Variants in PSG4 observed in about 807,000 individuals in gnomAD.
PSG4 encodes pregnancy specific beta-1-glycoprotein 4, also known as pregnancy-specific beta-1-glycoprotein 4.
PSG4 carries 61 observed loss-of-function variants against 44.3 expected under a neutral mutation model. The observed-to-expected ratio is 1.38, with a 90% CI of 1.12 to 1.70. PSG4 has a LOEUF of 1.70. Among genes scored for constraint, PSG4 ranks in the 40% most tolerant of loss-of-function variants. The pLI, the probability that PSG4 is intolerant of heterozygous loss-of-function variation, is 0.00. For synonymous variants in PSG4, 248 were observed against 191.3 expected (o/e 1.30, Z -2.45); for missense variants, 677 against 511.7 (o/e 1.32, Z -3.12).
Position 43,194,532 on chromosome 19 carries a change from A to C in PSG4, c.1051T>G (p.Tyr351Asp), listed in dbSNP as rs781761157. The change falls in exon 5 of 6, where the codon TAC becomes GAC. Residue 351 changes from tyrosine (Y) to aspartate (D), a missense_variant. Transcript: ENST00000405312. ...FTYYRSGENL[Y>D]LSCFAESNPR... is the part of the protein sequence containing the mutation. Reference sequence around the variant, plus strand: ...TTAGACTCGGCGAAGCAGGACAAGTAGAGGTTTTCTCCTGAACGGTAATAG... The same window carrying C: ...TTAGACTCGGCGAAGCAGGACAAGTCGAGGTTTTCTCCTGAACGGTAATAG... 1.6e-5 allele frequency: 25 copies of C among 1,612,438 alleles called. No individual in the cohort carries two copies. The Admixed American group carries it at 2.2e-4, about 14-fold the overall frequency.
chr19:43,204,782 C>T (rs1454403260), intron 1 of PSG4: 3 of 403,950 alleles, frequency 7.4e-6, no homozygotes, highest in Admixed American at 2.9e-5. Flanking sequence ...GCGGCAGACT[C>T]CTGTAGATGT....
Position 43,204,238 on chromosome 19 carries a change from G to C in PSG4, c.78C>G (p.Asn26Lys). The C allele has an allele frequency of 6.3e-7, 1 of 1,576,720 alleles. No individual in the cohort carries two copies. Among genetic ancestry groups the C allele is most frequent in the Admixed American group, 1.7e-5 (1 of 57,578 alleles). Residue 26 changes from asparagine (N) to lysine (K), a missense_variant, in exon 2 of 6, where the codon AAC (asparagine) becomes AAG (lysine). Coordinates refer to ENST00000405312, the MANE Select transcript of PSG4 (RefSeq NM_002780.5). ...KGVLLTASLL[N>K]FWNPPTTAQV... is the part of the protein sequence containing the mutation. ...GGGCAGTTGTGGGCGGATTCCAGAA[G>C]TTTAAAAGTGATGCTAGGAGGTACA...
intron 3 of PSG4, among the ~76,000 whole-genome samples, chr19:43,196,123 G>A (rs1057228924): frequency 9.2e-5 from 14 of 151,714 alleles, no homozygotes; most frequent in Non-Finnish European, 1.6e-4. Flanking sequence ...GTGTGGGAAT[G>A]AACTGCTGGA....
Position 43,198,151 on chromosome 19 carries a change from C to G in PSG4, c.555G>C (p.Gln185His). Residue 185 changes from glutamine (Q) to histidine (H), a missense_variant, in exon 3 of 6, where the codon CAG becomes CAC. Physicochemically the swap from Gln to His is conservative, Grantham distance 24. Transcript: ENST00000405312. ...AASYQWWMNG[Q>H]SLPMTHRLQL... is the part of the protein sequence containing the mutation. ...GCAACCTGTGAGTCATAGGGAGGCTCTGACCATTCATCCACCACTGGTAGC... is the reference window on the plus strand; with the variant it reads ...GCAACCTGTGAGTCATAGGGAGGCTGTGACCATTCATCCACCACTGGTAGC... 6.3e-7 allele frequency: 1 copy of G among 1,587,976 alleles called. No individual in the cohort carries two copies. The highest frequency in any genetic ancestry group is 8.5e-7 in the Non-Finnish European group (1 of 1,171,934).
intron 3 of PSG4, among the ~76,000 whole-genome samples, chr19:43,195,970 G>C (rs1967228844): frequency 6.6e-6 from 1 of 150,902 alleles, no homozygotes; most frequent in South Asian, 2.1e-4. Context: ...ACAGGCAAGA[G>C]CTGGTGGCTT....
rs1967086020 is a variant in PSG4 at position 43,193,189 on chromosome 19, A to G, written c.*183T>C. 2 of 752,030 alleles carry G rather than the reference A, an allele frequency of 2.7e-6. No homozygotes were observed. Among genetic ancestry groups the G allele is most frequent in the South Asian group, 1.4e-5 (1 of 73,316 alleles). 46.6% of individuals were successfully genotyped at this position (752,030 alleles called of 1,614,324 possible). ...TGTTATCCTGGTTTACAGTTTGAGT[A>G]GCTGTTGTTATGGTGTCGAACATTT... On this transcript the variant is annotated 3_prime_UTR_variant, in exon 6 of 6. Coordinates refer to ENST00000405312, the MANE Select transcript of PSG4 (RefSeq NM_002780.5).
In PSG4 at chr19:43,194,345, A is replaced by T. The variant is rs751488444; in HGVS notation, c.1238T>A (p.Val413Asp). 6.2e-6 allele frequency: 10 copies of T among 1,612,252 alleles called. 1 individual carries two copies. Among genetic ancestry groups the T allele is most frequent in the East Asian group, 2.2e-5 (1 of 44,868 alleles). The change falls in exon 5 of 6, where the codon GTC (valine) becomes GAC (aspartate). Residue 413 changes from valine to aspartate, a missense_variant. Coordinates refer to ENST00000405312, the MANE Select transcript of PSG4 (RefSeq NM_002780.5). ...GGATGCTGGGATCCACTTACCAGAG[A>T]CTTTGACTGTGATGGATTTGGAGCT... ...KESSKSITVK[V>D]SDWILP
chr19:43,194,778 G>A, intron 4 of PSG4, 184 bp from the exon 5 acceptor site: 3 of 1,412,884 alleles, frequency 2.1e-6, no homozygotes, highest in African/African-American at 1.4e-5. Context: ...CAAGTTTTAG[G>A]CCCCAAGTCT....
Position 43,200,394 on chromosome 19 carries a change from CTATTGT to C in PSG4, c.431-2125_431-2120del, listed in dbSNP as rs1373419392. On this transcript the variant is annotated intron_variant, in intron 2 of 5. Coordinates refer to ENST00000405312, the MANE Select transcript of PSG4 (RefSeq NM_002780.5). ...CCACAACTACAAAATTTAAAAATTG[CTATTGT>C]CAAAAAAAATATTAAATATGAAGGC... 5.0e-4 allele frequency among the ~76,000 whole-genome samples: 13 copies of C among 26,216 alleles called. 4 individuals are homozygous for C. In the East Asian group the frequency reaches 0.018, roughly 37 times the overall value. 17.2% of individuals were successfully genotyped at this position (26,216 alleles called of 152,430 possible).
chr19:43,205,219 T>C (rs532126693), intron 1 of PSG4, among the ~76,000 whole-genome samples: 1 of 137,908 alleles, frequency 7.3e-6, no homozygotes, highest in East Asian at 2.7e-4. Context: ...GTGATTCTCC[T>C]GCCACAGCCT....
chr19:43,194,238 T>G, intron 5 of PSG4, 102 bp downstream of exon 5: 1 of 1,598,288 alleles, frequency 6.3e-7, no homozygotes, highest in Non-Finnish European at 8.5e-7. Context: ...CTTGTGCCCA[T>G]GGGACACAGG....
chr19:43,204,774 G>T (rs11673307), intron 1 of PSG4: 213,453 of 364,230 alleles, frequency 0.59, 72,321 homozygotes, highest in East Asian at 0.81. Flanking sequence ...TGGAACAGGC[G>T]GCAGACTCCT....
At position 43,204,148 on chromosome 19, in the gene PSG4, G is replaced by C; in HGVS notation, c.168C>G (p.His56Gln). Reference protein sequence around the residue: ...SEGKDVLLLVHNLPQNLAGYI... With the variant: ...SEGKDVLLLVQNLPQNLAGYI... ...AGCCAGCAAGATTCTGGGGCAAATT[G>C]TGGACAAGTAGAAGAACATCCTTCC... is the stretch of plus-strand genomic sequence containing the variant. Residue 56 changes from histidine (H) to glutamine (Q), a missense_variant, in exon 2 of 6, where the codon CAC becomes CAG. Transcript: ENST00000405312. 1 of 1,587,400 alleles carries C rather than the reference G, an allele frequency of 6.3e-7. No individual in the cohort carries two copies. Among genetic ancestry groups the C allele is most frequent in the Non-Finnish European group, 8.5e-7 (1 of 1,171,678 alleles).
intron 5 of PSG4, 138 bp downstream of exon 5, chr19:43,194,202 T>C (rs1323956612): frequency 3.2e-6 from 5 of 1,560,776 alleles, no homozygotes; most frequent in South Asian, 2.5e-5. Flanking sequence ...AAATTGGGAG[T>C]GTTCAGGAGT....
At chr19:43,203,111 A>T (rs11671015) in intron 2 of PSG4, 1 of 145,080 alleles carries the variant, frequency 6.9e-6, no homozygotes, top group Admixed American at 6.8e-5. Context: ...TGGAGGTTTC[A>T]CACAAACAGC....
intron 2 of PSG4, among the ~76,000 whole-genome samples, chr19:43,200,783 G>A (rs1176955117): frequency 6.9e-6 from 1 of 145,626 alleles, no homozygotes; most frequent in South Asian, 2.2e-4. Flanking sequence ...CACCATGTTA[G>A]CCAGGATGGT....
intron 4 of PSG4, 128 bp from the exon 5 acceptor site, chr19:43,194,722 T>A: frequency 6.8e-7 from 1 of 1,471,410 alleles, no homozygotes; most frequent in Non-Finnish European, 9.1e-7. Context: ...ACTCCCTCTA[T>A]GTTCACTGAG....
At chr19:43,193,582 A>G (rs1967099908) in intron 5 of PSG4, 194 bp from the exon 6 acceptor site, 1 of 610,668 alleles carries the variant, frequency 1.6e-6, no homozygotes, top group Non-Finnish European at 2.9e-6. Context: ...TTCTTTACAT[A>G]AGTGCAGCAA....
rs1354472840 is a variant in PSG4 at position 43,204,701 on chromosome 19, A to ACCC, written c.65-451_65-450insGGG. 2.6e-4 allele frequency: 47 copies of ACCC among 184,050 alleles called. 1 individual carries two copies. The highest frequency in any genetic ancestry group is 6.9e-5 in the South Asian group (1 of 14,402). 11.4% of individuals were successfully genotyped at this position (184,050 alleles called of 1,614,324 possible). On this transcript the variant is annotated intron_variant, in intron 1 of 5. Coordinates refer to ENST00000405312, the MANE Select transcript of PSG4 (RefSeq NM_002780.5). ...CACTTAGCATGTCTGTCTTCCCCCC[A>ACCC]CGATGACTGTGTGAGCTCCGTGAGG...
Sources: gnomAD v4.1 joint callset for allele counts (sites outside exome capture counted in the v4.1 genomes callset) on GRCh38, gnomAD v4.1.1 for gene constraint, MANE v1.5 for transcripts, NCBI Gene and HGNC (gene_info 2026-07-23, HGNC 2026-07-21) for gene names.